Variants in CBFA2T2 observed in about 807,000 individuals in gnomAD.
The protein encoded by CBFA2T2 is protein CBFA2T2.
In CBFA2T2, 11 loss-of-function variants were observed where a neutral mutation model predicts 62.2. The ratio of observed to expected loss-of-function variants is 0.18; its 90% confidence interval spans 0.11 to 0.29. The LOEUF (loss-of-function observed/expected upper bound fraction) is 0.29, where lower values mean the gene tolerates loss of function less well. CBFA2T2 is among the 10% of genes least tolerant of loss of function. The probability of loss-of-function intolerance (pLI) is 1.00; values close to 1 mark genes in which losing one functional copy is unlikely to be tolerated. For missense variants in CBFA2T2, 592 were observed against 774.1 expected, an observed-to-expected ratio of 0.76 and a Z score of 2.79; for synonymous variants, 295 against 287.5, an observed-to-expected ratio of 1.03 and a Z score of -0.27.
At chr20:33,593,854 T>G (rs1487641955) in intron 1 of CBFA2T2, among the ~76,000 whole-genome samples, 1 of 152,234 alleles carries the variant, frequency 6.6e-6, no homozygotes, top group East Asian at 1.9e-4. Context: ...TTTCCCCTTC[T>G]GTCCACACAT....
chr20:33,626,337 A>G (rs1568862705), intron 6 of CBFA2T2, among the ~76,000 whole-genome samples: 1 of 152,250 alleles, frequency 6.6e-6, no homozygotes, highest in Admixed American at 6.5e-5. Context: ...GAGGTGAGGC[A>G]TATCGAAATC....
Position 33,582,766 on chromosome 20 carries a change from A to AC in CBFA2T2, c.35-24186dup, listed in dbSNP as rs747487859. On this transcript the variant is annotated intron_variant, in intron 1 of 10. Coordinates refer to ENST00000342704, the MANE Select transcript of CBFA2T2 (RefSeq NM_001032999.3). Reference sequence around the variant, plus strand: ...AGACTAGCCTGGCCAACATGGCAAAACCCCATCTCTACTAAAAATACAAAC... The same window carrying AC: ...AGACTAGCCTGGCCAACATGGCAAAACCCCCATCTCTACTAAAAATACAAAC... 1.9e-4 allele frequency among the ~76,000 whole-genome samples: 29 copies of AC among 152,130 alleles called. 1 individual carries two copies. Among genetic ancestry groups the AC allele is most frequent in the Non-Finnish European group, 3.8e-4 (26 of 67,996 alleles).
chr20:33,564,768 T>A (rs2013232182), intron 1 of CBFA2T2, among the ~76,000 whole-genome samples: 2 of 150,816 alleles, frequency 1.3e-5, no homozygotes, highest in Admixed American at 1.3e-4. Context: ...TTTATACAGG[T>A]GGGGTTTTGC....
chr20:33,495,162 C>G (rs949127041), intron 1 of CBFA2T2, among the ~76,000 whole-genome samples: 10 of 151,736 alleles, frequency 6.6e-5, no homozygotes, highest in Non-Finnish European at 4.4e-5. Context: ...TTTGGAAGGT[C>G]GAGGTGGGCG....
chr20:33,629,782 T>C lies in CBFA2T2; in HGVS notation c.1096T>C (p.Cys366Arg), dbSNP rs1465276511. The C allele has an allele frequency of 1.9e-6, 3 of 1,614,042 alleles. No individual in the cohort carries two copies. The highest frequency in any genetic ancestry group is 2.5e-6 in the Non-Finnish European group (3 of 1,180,038). Residue 366 changes from cysteine (C) to arginine (R), a missense_variant, in exon 8 of 11, where the codon TGT (cysteine) becomes CGT (arginine). This residue lies in a region of CBFA2T2 where 449 missense variants were observed against 551.2 expected (regional missense o/e 0.81). Coordinates refer to ENST00000342704, the MANE Select transcript of CBFA2T2 (RefSeq NM_001032999.3). Reference sequence around the variant, plus strand: ...GCGCTCTATGGCAGTTCTGCGGCGCTGTCAGGAATCAGATCGTGAAGAACT... The same window carrying C: ...GCGCTCTATGGCAGTTCTGCGGCGCCGTCAGGAATCAGATCGTGAAGAACT... ...TRRSMAVLRRCQESDREELNY... is the reference protein window; with the variant it reads ...TRRSMAVLRRRQESDREELNY...
At chr20:33,567,773 G>T (rs1207650553) in intron 1 of CBFA2T2, among the ~76,000 whole-genome samples, 1 of 151,398 alleles carries the variant, frequency 6.6e-6, no homozygotes, top group Non-Finnish European at 1.5e-5. Flanking sequence ...TAGTAGAGAT[G>T]GGGTTTCACC....
chr20:33,579,152 C>T (rs1234233345), intron 1 of CBFA2T2, among the ~76,000 whole-genome samples: 11 of 142,328 alleles, frequency 7.7e-5, no homozygotes, highest in East Asian at 4.1e-4. Context: ...CTCCTTCTGT[C>T]GCCCAGGCTG....
chr20:33,567,694 T>A (rs1308771281), intron 1 of CBFA2T2, among the ~76,000 whole-genome samples: 1 of 152,138 alleles, frequency 6.6e-6, no homozygotes, highest in Non-Finnish European at 1.5e-5. Flanking sequence ...GCAATTCTCC[T>A]GTCTCAGCCT....
At chr20:33,542,243 T>C (rs1253149434) in intron 1 of CBFA2T2, among the ~76,000 whole-genome samples, 1 of 152,184 alleles carries the variant, frequency 6.6e-6, no homozygotes, top group Non-Finnish European at 1.5e-5. Flanking sequence ...CGTTTTGCTC[T>C]TCTATTGCCT....
rs747748686 is a variant in CBFA2T2, at chr20:33,629,759, G to T, written c.1073G>T (p.Arg358Leu). Reference sequence around the variant, plus strand: ...ATGGAAATGGTAGAGAAAACAAGGCGCTCTATGGCAGTTCTGCGGCGCTGT... The same window carrying T: ...ATGGAAATGGTAGAGAAAACAAGGCTCTCTATGGCAGTTCTGCGGCGCTGT... ...CIMEMVEKTR[R>L]SMAVLRRCQE... Residue 358 changes from arginine to leucine, a missense_variant, in exon 8 of 11, where the codon CGC (arginine) becomes CTC (leucine). Transcript: ENST00000342704. 1.2e-6 allele frequency: 2 copies of T among 1,613,990 alleles called. No homozygotes were observed. Among genetic ancestry groups the T allele is most frequent in the South Asian group, 1.1e-5 (1 of 91,060 alleles).
At chr20:33,508,521 C>G (rs1306360352) in intron 1 of CBFA2T2, among the ~76,000 whole-genome samples, 3 of 152,000 alleles carry the variant, frequency 2.0e-5, no homozygotes, top group African/African-American at 7.2e-5. Context: ...CAGATTACTT[C>G]CTCACCCAGG....
At chr20:33,508,815 A>G (rs1049010125) in intron 1 of CBFA2T2, among the ~76,000 whole-genome samples, 4 of 152,190 alleles carry the variant, frequency 2.6e-5, no homozygotes, top group South Asian at 2.1e-4. Context: ...AACTTCTGCT[A>G]TCAGAAGTAG....
intron 1 of CBFA2T2, among the ~76,000 whole-genome samples, chr20:33,537,293 C>G (rs1369480322): frequency 6.6e-6 from 1 of 152,240 alleles, no homozygotes; most frequent in Non-Finnish European, 1.5e-5. Flanking sequence ...GAGACCAGCC[C>G]GGCCAACACA....
At chr20:33,509,332 A>C (rs547837557) in intron 1 of CBFA2T2, among the ~76,000 whole-genome samples, 13 of 152,124 alleles carry the variant, frequency 8.5e-5, no homozygotes, top group Admixed American at 6.6e-5. Context: ...GCACCACTGC[A>C]CTCCAGCCTA....
chr20:33,543,382 A>G (rs1052370479), intron 1 of CBFA2T2, among the ~76,000 whole-genome samples: 4 of 152,264 alleles, frequency 2.6e-5, no homozygotes, highest in African/African-American at 9.6e-5. Flanking sequence ...GTAGATACTT[A>G]AAGATTTTCT....
At chr20:33,559,285 T>C (rs1376767276) in intron 1 of CBFA2T2, among the ~76,000 whole-genome samples, 2 of 148,506 alleles carry the variant, frequency 1.3e-5, no homozygotes, top group Admixed American at 6.8e-5. Flanking sequence ...GCGATTCTCC[T>C]GCCTCAGACT....
intron 1 of CBFA2T2, among the ~76,000 whole-genome samples, chr20:33,533,573 G>C (rs912394575): frequency 6.6e-6 from 1 of 152,022 alleles, no homozygotes; most frequent in Non-Finnish European, 1.5e-5. Flanking sequence ...AGATGTTTGA[G>C]TTGTTTCCAG....
intron 3 of CBFA2T2, among the ~76,000 whole-genome samples, chr20:33,616,340 A>G (rs1353545011): frequency 1.3e-5 from 2 of 152,204 alleles, no homozygotes; most frequent in Admixed American, 1.3e-4. Flanking sequence ...ATTATAAACC[A>G]GGAGGATAAA....
chr20:33,551,927 T>C (rs2012753220), intron 1 of CBFA2T2, among the ~76,000 whole-genome samples: 1 of 152,186 alleles, frequency 6.6e-6, no homozygotes, highest in African/African-American at 2.4e-5. Context: ...CCCTTTTTTT[T>C]TCTGCTTACG....
Sources: allele counts gnomAD v4.1 joint callset (sites outside exome capture counted in the v4.1 genomes callset), GRCh38; gene constraint gnomAD v4.1.1; regional missense constraint gnomAD v4.1.1; transcripts MANE v1.5; gene names NCBI Gene and HGNC (gene_info 2026-07-23, HGNC 2026-07-21).